SDK1: variants seen among roughly 807,000 people sequenced by gnomAD.
SDK1 encodes sidekick cell adhesion molecule 1, also known as protein sidekick-1.
A neutral mutation model predicts 245.5 loss-of-function variants in SDK1; 157 were observed. The ratio of observed to expected loss-of-function variants is 0.64; its 90% CI spans 0.56 to 0.73. The LOEUF (loss-of-function observed/expected upper bound fraction) is 0.73. Among genes scored for constraint, SDK1 ranks in the 30% least tolerant of loss-of-function variants. The pLI, the probability that SDK1 is intolerant of heterozygous loss-of-function variation, is 0.00. For missense variants in SDK1, 3,583 were observed against 3,002.3 expected, an observed-to-expected ratio of 1.19 and a Z score of -4.52; for synonymous variants, 1,647 against 1,278.5, an observed-to-expected ratio of 1.29 and a Z score of -6.15.
chr7:3,896,463 C>T (rs1365506295), intron 5 of SDK1, among the ~76,000 whole-genome samples: 3 of 152,202 alleles, frequency 2.0e-5, no homozygotes, highest in Admixed American at 6.5e-5. Flanking sequence ...GCAAAAGACC[C>T]TGAAGCTCTG....
At chr7:4,059,559 A>G (rs1194134933) in intron 19 of SDK1, among the ~76,000 whole-genome samples, 1 of 152,204 alleles carries the variant, frequency 6.6e-6, no homozygotes, top group Non-Finnish European at 1.5e-5. Flanking sequence ...ACAAAGAAAC[A>G]TTGGATTTAA....
intron 5 of SDK1, among the ~76,000 whole-genome samples, chr7:3,826,626 C>G (rs988611596): frequency 6.6e-6 from 1 of 152,100 alleles, no homozygotes; most frequent in African/African-American, 2.4e-5. Flanking sequence ...ATAAATCCAC[C>G]TCTCCGGGCA....
intron 5 of SDK1, among the ~76,000 whole-genome samples, chr7:3,917,761 T>A (rs1779435035): frequency 6.6e-6 from 1 of 152,210 alleles, no homozygotes; most frequent in South Asian, 2.1e-4. Flanking sequence ...ATTTCATTTC[T>A]GACAGGCTTC....
chr7:4,240,302 A>C (rs1048949256), intron 42 of SDK1, among the ~76,000 whole-genome samples: 2 of 152,100 alleles, frequency 1.3e-5, no homozygotes, highest in Admixed American at 1.3e-4. Flanking sequence ...GCCGGGAAAA[A>C]ATAACACTTA....
chr7:4,134,265 A>G (rs1020389539), intron 28 of SDK1, among the ~76,000 whole-genome samples: 4 of 152,214 alleles, frequency 2.6e-5, no homozygotes, highest in Admixed American at 6.5e-5. Context: ...GCATTTCTCA[A>G]TCAGGTGACC....
chr7:3,602,450 G>A (rs1206560503), intron 1 of SDK1, among the ~76,000 whole-genome samples: 1 of 151,978 alleles, frequency 6.6e-6, no homozygotes, highest in Non-Finnish European at 1.5e-5. Context: ...ATTTTTTCAT[G>A]TCTTTTGGCT....
chr7:3,783,069 C>T (rs1018172775), intron 4 of SDK1, among the ~76,000 whole-genome samples: 2 of 152,114 alleles, frequency 1.3e-5, no homozygotes, highest in Admixed American at 6.5e-5. Context: ...GTTCACCATA[C>T]ACAAATCAAT....
intron 1 of SDK1, among the ~76,000 whole-genome samples, chr7:3,412,344 T>C (rs1779233553): frequency 6.6e-6 from 1 of 152,210 alleles, no homozygotes; most frequent in South Asian, 2.1e-4. Flanking sequence ...CAAAATGGTA[T>C]CAAACTGTAT....
intron 1 of SDK1, among the ~76,000 whole-genome samples, chr7:3,362,248 A>G (rs1274328906): frequency 6.6e-6 from 1 of 152,230 alleles, no homozygotes; most frequent in Admixed American, 6.5e-5. Flanking sequence ...GTTTTCACAT[A>G]GTATAGTACA....
At chr7:3,598,991 A>G (rs939929629) in intron 1 of SDK1, among the ~76,000 whole-genome samples, 2 of 151,462 alleles carry the variant, frequency 1.3e-5, no homozygotes, top group African/African-American at 4.8e-5. Flanking sequence ...GCTGGGTTGC[A>G]TGGTAGTTGC....
At chr7:3,858,243 C>A (rs1280889928) in intron 5 of SDK1, among the ~76,000 whole-genome samples, 1 of 151,986 alleles carries the variant, frequency 6.6e-6, no homozygotes, top group Non-Finnish European at 1.5e-5. Context: ...AATATGATAT[C>A]ATTTTTTTAA....
intron 1 of SDK1, among the ~76,000 whole-genome samples, chr7:3,302,644 G>C (rs7811244): frequency 1.4e-5 from 2 of 143,550 alleles, no homozygotes; most frequent in African/African-American, 2.6e-5. Context: ...AACCCGTAAC[G>C]TACCCCTGCC....
In SDK1 at chr7:3,430,493, A is replaced by C. The variant is rs539540291; in HGVS notation, c.298+128609A>C. Among the ~76,000 whole-genome samples, 9 of 152,162 alleles carry C rather than the reference A, an allele frequency of 5.9e-5. No individual in the cohort carries two copies. The South Asian group carries it at 1.7e-3, about 28-fold the overall frequency. On this transcript the variant is annotated intron_variant, in intron 1 of 44. Transcript: ENST00000404826. The stretch of plus-strand genomic sequence containing the variant: ...GTCTCTACTTTTACCTCTGTGACCT[A>C]GAGGTCACTTGAAACAAGCTTCCTC...
intron 35 of SDK1, among the ~76,000 whole-genome samples, chr7:4,202,472 C>T (rs1170646669): frequency 1.3e-5 from 2 of 152,202 alleles, no homozygotes; most frequent in Admixed American, 6.5e-5. Flanking sequence ...AGGTTCCAGG[C>T]CATGTGACTC....
intron 4 of SDK1, among the ~76,000 whole-genome samples, chr7:3,750,002 A>C (rs561867007): frequency 1.3e-5 from 2 of 152,242 alleles, no homozygotes; most frequent in Non-Finnish European, 2.9e-5. Flanking sequence ...AAGCTCACAT[A>C]GGCTTTACAG....
intron 2 of SDK1, among the ~76,000 whole-genome samples, chr7:3,626,963 T>C (rs890249600): frequency 6.6e-6 from 1 of 152,062 alleles, no homozygotes; most frequent in African/African-American, 2.4e-5. Context: ...GGTCTTGCTT[T>C]GTTGCCCACG....
At chr7:4,079,827 T>C (rs1444627462) in intron 22 of SDK1, among the ~76,000 whole-genome samples, 1 of 152,144 alleles carries the variant, frequency 6.6e-6, no homozygotes, top group Non-Finnish European at 1.5e-5. Context: ...AAAATGAAAG[T>C]TGTGATTCAA....
chr7:3,612,280 C>T (rs538408738), intron 1 of SDK1, among the ~76,000 whole-genome samples: 1 of 152,204 alleles, frequency 6.6e-6, no homozygotes, highest in Non-Finnish European at 1.5e-5. Flanking sequence ...CCTCTTACAG[C>T]ATCATAATGT....
At chr7:3,427,308 C>G (rs953943534) in intron 1 of SDK1, among the ~76,000 whole-genome samples, 11 of 152,094 alleles carry the variant, frequency 7.2e-5, no homozygotes, top group Admixed American at 6.5e-5. Context: ...TGCCTGAGGT[C>G]AGGAGTTCGA....
Sources: allele counts gnomAD v4.1 joint callset (sites outside exome capture counted in the v4.1 genomes callset), GRCh38; gene constraint gnomAD v4.1.1; transcripts MANE v1.5; gene names NCBI Gene and HGNC (gene_info 2026-07-23, HGNC 2026-07-21).